The following VTI1B variants were observed in gnomAD, a reference collection of about 807,000 sequenced individuals.
VTI1B encodes vesicle transport through interaction with t-SNAREs 1B.
Under a neutral mutation model 28.6 loss-of-function variants are expected in VTI1B, and 18 were observed. That is an observed-to-expected ratio of 0.63 (90% confidence interval 0.43 to 0.93). The LOEUF is 0.93. Ranked by LOEUF, VTI1B falls within the 40% of genes least tolerant of loss-of-function variation. The probability of loss-of-function intolerance (pLI) is 0.00; values close to 1 mark genes in which losing one functional copy is unlikely to be tolerated. For synonymous variants in VTI1B, 100 were observed against 107.9 expected, an observed-to-expected ratio of 0.93 and a Z score of 0.46; for missense variants, 283 against 297.0, an observed-to-expected ratio of 0.95 and a Z score of 0.35.
chr14:67,654,656 A>C (rs1021978536), intron 4 of VTI1B, among the ~76,000 whole-genome samples: 4 of 152,118 alleles, frequency 2.6e-5, no homozygotes, highest in Non-Finnish European at 5.9e-5. Context: ...TCCTGTCCAA[A>C]TCTTGGCCAC....
Position 67,674,595 on chromosome 14 carries a change from C to G in VTI1B, c.-106G>C. Reference sequence around the variant, plus strand: ...CCAGTGGCCATAACGGCGACCGCCGCACCACCGCCGCCCAGGACGAGGCTC... The same window carrying G: ...CCAGTGGCCATAACGGCGACCGCCGGACCACCGCCGCCCAGGACGAGGCTC... On this transcript the variant is annotated 5_prime_UTR_variant, in exon 1 of 6. Transcript: ENST00000554659. 2 of 884,600 alleles carry G rather than the reference C, an allele frequency of 2.3e-6. No individual in the cohort carries two copies. Among genetic ancestry groups the G allele is most frequent in the Non-Finnish European group, 3.2e-6 (2 of 629,926 alleles). 54.8% of individuals were successfully genotyped at this position (884,600 alleles called of 1,614,324 possible). A position where few individuals can be genotyped will look rare whatever the true frequency, so the allele number is the denominator to read the frequency against.
At chr14:67,656,123 G>A (rs903500751) in intron 4 of VTI1B, among the ~76,000 whole-genome samples, 2 of 151,964 alleles carry the variant, frequency 1.3e-5, no homozygotes, top group Non-Finnish European at 2.9e-5. Context: ...GCGCATGCCT[G>A]TAATCCCAGC....
At chr14:67,668,476 G>A (rs1314924321) in intron 1 of VTI1B, among the ~76,000 whole-genome samples, 1 of 152,176 alleles carries the variant, frequency 6.6e-6, no homozygotes, top group African/African-American at 2.4e-5. Context: ...TACAGTTTTT[G>A]TTGTTTTAAT....
intron 3 of VTI1B, among the ~76,000 whole-genome samples, chr14:67,657,594 G>A (rs978304784): frequency 1.2e-4 from 15 of 129,418 alleles, no homozygotes; most frequent in Admixed American, 2.4e-4. Context: ...GCACGCGCGC[G>A]CGTGCACACA....
At position 67,650,643 on chromosome 14, in the gene VTI1B, T is replaced by C. The variant is rs1349917529; in HGVS notation, c.*742A>G. 8.5e-6 allele frequency: 12 copies of C among 1,412,628 alleles called. No individual in the cohort carries two copies. In the Middle Eastern group the frequency reaches 7.3e-4, roughly 86 times the overall value. 87.5% of individuals were successfully genotyped at this position (1,412,628 alleles called of 1,614,324 possible). The stretch of plus-strand genomic sequence containing the variant: ...TTTTTACTTTGGCTTGTTCTCCCTG[T>C]CCCAGTGGGATGACCCTCACTGAGA... On this transcript the variant is annotated 3_prime_UTR_variant, in exon 6 of 6. Coordinates refer to ENST00000554659, the MANE Select transcript of VTI1B (RefSeq NM_006370.3).
At chr14:67,671,928 T>C (rs185755548) in intron 1 of VTI1B, among the ~76,000 whole-genome samples, 1 of 152,366 alleles carries the variant, frequency 6.6e-6, no homozygotes, top group Admixed American at 6.5e-5. Flanking sequence ...TAATCATTTC[T>C]TATGGGTCCC....
chr14:67,660,031 G>A (rs763912731), intron 2 of VTI1B, 109 bp from the exon 3 acceptor site: 10 of 1,116,164 alleles, frequency 9.0e-6, no homozygotes, highest in Non-Finnish European at 1.0e-5. Context: ...ACTACACCAA[G>A]TAAATAACCA....
chr14:67,651,535 T>TAAACATTTTGGGGTTAGA, intron 5 of VTI1B, 54 bp from the exon 6 acceptor site: 1 of 1,596,568 alleles, frequency 6.3e-7, no homozygotes, highest in Non-Finnish European at 8.5e-7. Context: ...ACCTTCCTTC[T>TAAACATTTTGGGGTTAGA]AAACATTTTG....
chr14:67,674,215 A>G (rs1366423424), intron 1 of VTI1B, among the ~76,000 whole-genome samples, 160 bp downstream of exon 1: 1 of 152,230 alleles, frequency 6.6e-6, no homozygotes, highest in Non-Finnish European at 1.5e-5. Flanking sequence ...TCTCAGTGGC[A>G]GCAGGGAGAC....
intron 2 of VTI1B, 133 bp from the exon 3 acceptor site, chr14:67,660,055 G>T: frequency 3.3e-6 from 3 of 912,566 alleles, no homozygotes; most frequent in Non-Finnish European, 4.9e-6. Flanking sequence ...GCTCCATGAG[G>T]CAGGGACCAT....
chr14:67,660,143 T>G, intron 2 of VTI1B: 1 of 333,132 alleles, frequency 3.0e-6, no homozygotes, highest in Non-Finnish European at 5.1e-6. Flanking sequence ...GTATATGAAC[T>G]GAATGAATGA....
rs1412724177 is a variant in VTI1B, at chr14:67,673,352, A to AT, written c.115+1022_115+1023insA. ...GAGTGAGACCCTGTCTCAAAAAAAA[A>AT]AATGATAAATAATAAAATAAAACTG... On this transcript the variant is annotated intron_variant, in intron 1 of 5. Transcript: ENST00000554659. 1.6e-4 allele frequency among the ~76,000 whole-genome samples: 25 copies of AT among 152,288 alleles called. 1 individual carries two copies. The highest frequency in any genetic ancestry group is 5.8e-4 in the African/African-American group (24 of 41,554).
At chr14:67,660,421 A>AC (rs1178087579) in intron 2 of VTI1B, among the ~76,000 whole-genome samples, 1 of 152,218 alleles carries the variant, frequency 6.6e-6, no homozygotes, top group East Asian at 1.9e-4. Flanking sequence ...TATATAAAAA[A>AC]TTAAACAGAA....
Position 67,674,361 on chromosome 14 carries a change from C to CA in VTI1B, c.115+13dup, listed in dbSNP as rs770178180. The CA allele has an allele frequency of 6.3e-7, 1 of 1,577,620 alleles. No individual in the cohort carries two copies. Among genetic ancestry groups the CA allele is most frequent in the South Asian group, 1.1e-5 (1 of 87,660 alleles). On this transcript the variant is annotated intron_variant, in intron 1 of 5. Transcript: ENST00000554659. ...GGGCTGCGCTCCCCACGGCGTGGCC[C>CA]ACCCCCGCCTCACCGGTCCCCGCCG...
At chr14:67,655,108 G>C (rs781307673) in intron 4 of VTI1B, among the ~76,000 whole-genome samples, 1 of 150,408 alleles carries the variant, frequency 6.6e-6, no homozygotes, top group Non-Finnish European at 1.5e-5. Flanking sequence ...GGGAGGCCAA[G>C]GTGGAATGAT....
chr14:67,660,039 C>T (rs1392793416), intron 2 of VTI1B, 117 bp from the exon 3 acceptor site: 2 of 1,033,714 alleles, frequency 1.9e-6, no homozygotes, highest in Non-Finnish European at 2.8e-6. Flanking sequence ...AAGTAAATAA[C>T]CATATGCTCC....
At chr14:67,662,596 T>C in intron 1 of VTI1B, 61 bp from the exon 2 acceptor site, 4 of 1,427,186 alleles carry the variant, frequency 2.8e-6, no homozygotes, top group Non-Finnish European at 3.9e-6. Flanking sequence ...GTAAAGGCCA[T>C]TCCCTCTGCT....
chr14:67,670,469 G>A (rs897279435), intron 1 of VTI1B, among the ~76,000 whole-genome samples: 1 of 152,010 alleles, frequency 6.6e-6, no homozygotes, highest in South Asian at 2.1e-4. Context: ...GTTTTTTGAA[G>A]CTTCCCCCTC....
intron 3 of VTI1B, among the ~76,000 whole-genome samples, 196 bp from the exon 4 acceptor site, chr14:67,656,785 G>T (rs776794714): frequency 2.0e-5 from 3 of 152,060 alleles, no homozygotes; most frequent in Non-Finnish European, 2.9e-5. Flanking sequence ...CAATCAATAG[G>T]ATCACAATAC....
Sources: allele counts gnomAD v4.1 joint callset (sites outside exome capture counted in the v4.1 genomes callset), GRCh38; gene constraint gnomAD v4.1.1; transcripts MANE v1.5; gene names NCBI Gene and HGNC (gene_info 2026-07-23, HGNC 2026-07-21).